Variants in SH2D4B observed in about 807,000 individuals in gnomAD.
SH2D4B encodes the protein SH2 domain-containing protein 4B.
A neutral mutation model predicts 61.5 loss-of-function variants in SH2D4B; 45 were observed. That is an observed-to-expected ratio of 0.73 (90% CI 0.58 to 0.94). The LOEUF (loss-of-function observed/expected upper bound fraction) is 0.94, where lower values mean the gene tolerates loss of function less well. SH2D4B is among the 40% of genes least tolerant of loss of function. SH2D4B has a pLI of 0.00. For synonymous variants in SH2D4B, 224 were observed against 220.4 expected (o/e 1.02, Z -0.14); for missense variants, 572 against 574.2 (o/e 1.00, Z 0.04).
At chr10:80,564,581 C>T (rs1412576643) in intron 1 of SH2D4B, among the ~76,000 whole-genome samples, 2 of 152,188 alleles carry the variant, frequency 1.3e-5, no homozygotes, top group East Asian at 1.9e-4. Context: ...CCGTTTTCTA[C>T]CAATTCTCAC....
intron 1 of SH2D4B, among the ~76,000 whole-genome samples, chr10:80,542,882 C>T (rs1841601149): frequency 6.6e-6 from 1 of 152,126 alleles, no homozygotes; most frequent in Admixed American, 6.5e-5. Flanking sequence ...GGTTTCCTAC[C>T]AGGCAGCCAG....
chr10:80,601,637 A>G (rs1277045070), intron 4 of SH2D4B, among the ~76,000 whole-genome samples: 1 of 152,208 alleles, frequency 6.6e-6, no homozygotes, highest in African/African-American at 2.4e-5. Flanking sequence ...TGGGACACCC[A>G]TGGGGGCACT....
intron 6 of SH2D4B, among the ~76,000 whole-genome samples, chr10:80,621,299 G>A (rs929021377): frequency 6.6e-6 from 1 of 152,240 alleles, no homozygotes; most frequent in Non-Finnish European, 1.5e-5. Flanking sequence ...AATGTCAGCA[G>A]TGTTGAGAAA....
At chr10:80,568,060 C>T (rs908744831) in intron 1 of SH2D4B, among the ~76,000 whole-genome samples, 1 of 151,730 alleles carries the variant, frequency 6.6e-6, no homozygotes, top group African/African-American at 2.4e-5. Context: ...TTCCTTGAAG[C>T]TTTTTCTAAA....
chr10:80,566,297 CTTT>C (rs75474550), intron 1 of SH2D4B, among the ~76,000 whole-genome samples: 4 of 130,436 alleles, frequency 3.1e-5, no homozygotes, highest in Admixed American at 1.6e-4. Flanking sequence ...AGATCAATTT[CTTT>C]TTTTTTTTTT....
At chr10:80,626,999 G>C (rs1208626418) in intron 6 of SH2D4B, among the ~76,000 whole-genome samples, 1 of 152,142 alleles carries the variant, frequency 6.6e-6, no homozygotes, top group Non-Finnish European at 1.5e-5. Context: ...GTTATAACAG[G>C]GTTGATAGGA....
chr10:80,579,939 T>G (rs1161810019), intron 3 of SH2D4B, among the ~76,000 whole-genome samples: 1 of 152,262 alleles, frequency 6.6e-6, no homozygotes, highest in African/African-American at 2.4e-5. Context: ...AAACCCTGTC[T>G]TCTCTTTACC....
At position 80,572,947 on chromosome 10, in the gene SH2D4B, T is replaced by C. The variant is rs559896548; in HGVS notation, c.495+1369T>C. ...TTGGCCTTTTCATGTATGTTGCAAA[T>C]ATATATATATATATATATATATATA... On this transcript the variant is annotated intron_variant, in intron 3 of 7. Transcript: ENST00000646907. Among the ~76,000 whole-genome samples the C allele has an allele frequency of 1.9e-3, 7 of 3,730 alleles. No individual in the cohort carries two copies. The East Asian group carries it at 0.081, about 43-fold the overall frequency. 2.4% of individuals were successfully genotyped at this position (3,730 alleles called of 152,430 possible). A position where few individuals can be genotyped will look rare whatever the true frequency, so the allele number is the denominator to read the frequency against.
At chr10:80,582,051 C>T (rs766818755) in intron 3 of SH2D4B, among the ~76,000 whole-genome samples, 52 of 152,144 alleles carry the variant, frequency 3.4e-4, no homozygotes, top group Non-Finnish European at 5.9e-4. Context: ...GACAAAATTC[C>T]GATTTCCTTA....
intron 3 of SH2D4B, among the ~76,000 whole-genome samples, chr10:80,572,986 A>ATTTTTTTTTTTTTTTT (rs61401607): frequency 3.4e-4 from 3 of 8,880 alleles, no homozygotes; most frequent in Non-Finnish European, 4.0e-4. Flanking sequence ...ATATATATAT[A>ATTTTTTTTTTTTTTTT]TTTTTTTTTT....
At chr10:80,612,198 T>TTTTTTTTCC (rs59848195) in intron 6 of SH2D4B, among the ~76,000 whole-genome samples, 3 of 125,208 alleles carry the variant, frequency 2.4e-5, no homozygotes, top group African/African-American at 6.4e-5. Flanking sequence ...TTTTTTTTTT[T>TTTTTTTTCC]CAACTTTACT....
At chr10:80,609,712 G>A (rs947864405) in intron 6 of SH2D4B, among the ~76,000 whole-genome samples, 161 bp downstream of exon 6, 4 of 152,196 alleles carry the variant, frequency 2.6e-5, no homozygotes, top group Non-Finnish European at 5.9e-5. Flanking sequence ...GAGGCTGCAG[G>A]CCCCAGGGAT....
intron 1 of SH2D4B, among the ~76,000 whole-genome samples, chr10:80,562,365 T>G (rs1841911229): frequency 6.6e-6 from 1 of 152,240 alleles, no homozygotes; most frequent in African/African-American, 2.4e-5. Flanking sequence ...CAGTTTTTTC[T>G]CATGAACGTT....
At chr10:80,610,833 A>G (rs1010929473) in intron 6 of SH2D4B, among the ~76,000 whole-genome samples, 4 of 152,090 alleles carry the variant, frequency 2.6e-5, no homozygotes, top group African/African-American at 9.7e-5. Flanking sequence ...GTTGGTTCAG[A>G]CTTTAGTCTG....
chr10:80,588,111 T>TG (rs1158925233), intron 3 of SH2D4B, among the ~76,000 whole-genome samples: 11 of 152,306 alleles, frequency 7.2e-5, no homozygotes, highest in African/African-American at 2.6e-4. Flanking sequence ...TGATGAGTAT[T>TG]GCCAAGGAAG....
intron 4 of SH2D4B, among the ~76,000 whole-genome samples, chr10:80,590,773 GT>G (rs1400209129): frequency 6.6e-6 from 1 of 151,926 alleles, no homozygotes; most frequent in Non-Finnish European, 1.5e-5. Flanking sequence ...CAATTTAGTG[GT>G]TTTTAGTATA....
chr10:80,539,726 C>T lies in SH2D4B; in HGVS notation c.184+1211C>T, dbSNP rs930459780. Among the ~76,000 whole-genome samples, 1 of 152,128 alleles carries T rather than the reference C, an allele frequency of 6.6e-6. No individual in the cohort carries two copies. Among genetic ancestry groups the T allele is most frequent in the South Asian group, 2.1e-4 (1 of 4,824 alleles). On this transcript the variant is annotated intron_variant, in intron 1 of 7. Coordinates refer to ENST00000646907, the MANE Select transcript of SH2D4B (RefSeq NM_001388272.1). This position sits in a 1 kb window ranked among gnomAD's most constrained non-coding sequence, Gnocchi z 4.9. ...TTCCTCATCTGCTTGCCTGGCTCTC[C>T]GATGGGCTCAAAGGCACTGGTGTGT...
At chr10:80,598,533 C>G (rs1456325181) in intron 4 of SH2D4B, among the ~76,000 whole-genome samples, 1 of 152,162 alleles carries the variant, frequency 6.6e-6, no homozygotes, top group Admixed American at 6.5e-5. Context: ...TCACATTCAA[C>G]AAAACCATTC....
At chr10:80,546,945 A>G (rs890080410) in intron 1 of SH2D4B, among the ~76,000 whole-genome samples, 24 of 152,174 alleles carry the variant, frequency 1.6e-4, no homozygotes, top group Non-Finnish European at 7.3e-5. Context: ...ATTCTTCCCC[A>G]TGGTTTTGTT....
Sources: allele counts gnomAD v4.1 joint callset (sites outside exome capture counted in the v4.1 genomes callset), GRCh38; gene constraint gnomAD v4.1.1; non-coding constraint Gnocchi (gnomAD v3.1); transcripts MANE v1.5; gene names NCBI Gene and HGNC (gene_info 2026-07-23, HGNC 2026-07-21).